Variants in IL1RAPL1 observed in about 807,000 individuals in gnomAD.
IL1RAPL1 encodes the protein interleukin 1 receptor accessory protein like 1, also known as interleukin-1 receptor accessory protein-like 1.
A neutral mutation model predicts 48.4 loss-of-function variants in IL1RAPL1; 3 were observed. That is an observed-to-expected ratio of 0.06 (90% CI 0.03 to 0.16). IL1RAPL1 has a LOEUF of 0.16. Among genes scored for constraint, IL1RAPL1 ranks in the 10% least tolerant of loss-of-function variants. The pLI is 1.00. For missense variants in IL1RAPL1, 349 were observed against 530.6 expected, an observed-to-expected ratio of 0.66 and a Z score of 3.36; for synonymous variants, 185 against 187.7, an observed-to-expected ratio of 0.99 and a Z score of 0.12.
rs753267627 is a variant in IL1RAPL1 at position 29,752,048 on chromosome X, TTA to T, written c.778+83556_778+83557del. On this transcript the variant is annotated intron_variant, in intron 6 of 10. Coordinates refer to ENST00000378993, the MANE Select transcript of IL1RAPL1 (RefSeq NM_014271.4). ...ATGTAACTACCTATATCTATCTATT[TTA>T]TATATATATATGTATATATATGTGT... Among the ~76,000 whole-genome samples, 203 of 97,422 alleles carry T rather than the reference TTA, an allele frequency of 2.1e-3. 1 individual carries two copies. Among genetic ancestry groups the T allele is most frequent in the Middle Eastern group, 5.1e-3 (1 of 197 alleles). The allele number at this position is 97,422 out of a possible 115,157, so 84.6% of individuals were successfully genotyped here.
intron 5 of IL1RAPL1, among the ~76,000 whole-genome samples, chrX:29,539,715 G>A (rs1225833020): frequency 2.7e-5 from 3 of 110,933 alleles, no homozygotes; most frequent in Non-Finnish European, 5.7e-5. Context: ...TCTGCCATGT[G>A]AAGTACCTTA....
chrX:29,821,559 T>G (rs1360584771), intron 6 of IL1RAPL1, among the ~76,000 whole-genome samples: 2 of 112,678 alleles, frequency 1.8e-5, no homozygotes, highest in Non-Finnish European at 3.8e-5. Context: ...TCAGGTCACT[T>G]ACAAGAAACC....
At chrX:29,406,422 G>A (rs766050511) in intron 5 of IL1RAPL1, among the ~76,000 whole-genome samples, 3 of 109,929 alleles carry the variant, frequency 2.7e-5, no homozygotes, top group East Asian at 2.8e-4. Flanking sequence ...ATTTCCTTTC[G>A]ATTCTTTTTA....
At position 29,876,904 on chromosome X, in the gene IL1RAPL1, T is replaced by C. The variant is rs916494189; in HGVS notation, c.779-40560T>C. ...TAAATAATTGCACGCCCATCTCTTT[T>C]GCAAAGCACAAAGCAACCTGCTCCA... On this transcript the variant is annotated intron_variant, in intron 6 of 10. Transcript: ENST00000378993. 5.4e-5 allele frequency among the ~76,000 whole-genome samples: 6 copies of C among 112,113 alleles called. 1 individual carries two copies. Among genetic ancestry groups the C allele is most frequent in the African/African-American group, 1.9e-4 (6 of 30,890 alleles).
intron 5 of IL1RAPL1, among the ~76,000 whole-genome samples, chrX:29,434,112 TTAAA>T (rs1213526094): frequency 9.1e-6 from 1 of 110,238 alleles, no homozygotes; most frequent in East Asian, 2.8e-4. Flanking sequence ...TTTTAAAAAA[TTAAA>T]TAATTTCCAG....
At chrX:29,528,883 C>G (rs1935582945) in intron 5 of IL1RAPL1, among the ~76,000 whole-genome samples, 1 of 111,129 alleles carries the variant, frequency 9.0e-6, no homozygotes, top group Non-Finnish European at 1.9e-5. Flanking sequence ...GATCTTGGAG[C>G]CCCTCTTTGA....
At chrX:29,159,141 T>A in intron 2 of IL1RAPL1, among the ~76,000 whole-genome samples, 1 of 109,713 alleles carries the variant, frequency 9.1e-6, no homozygotes, top group Admixed American at 9.9e-5. Flanking sequence ...TTCACAGATT[T>A]ATATAAATAA....
chrX:29,276,068 G>A (rs751767995), intron 2 of IL1RAPL1, among the ~76,000 whole-genome samples: 2 of 111,983 alleles, frequency 1.8e-5, no homozygotes, highest in Non-Finnish European at 3.8e-5. Flanking sequence ...TTGCTGGCTG[G>A]GTGTCCTGCC....
At chrX:29,552,210 GTGT>G (rs1921840570) in intron 5 of IL1RAPL1, among the ~76,000 whole-genome samples, 1 of 111,234 alleles carries the variant, frequency 9.0e-6, no homozygotes, top group South Asian at 3.8e-4. Context: ...TTACCCCACT[GTGT>G]TGTTGGGTCA....
intron 2 of IL1RAPL1, among the ~76,000 whole-genome samples, chrX:28,869,132 T>A (rs1181530736): frequency 8.9e-6 from 1 of 112,751 alleles, no homozygotes; most frequent in Non-Finnish European, 1.9e-5. Context: ...TCCTCGATCT[T>A]TGCTTTCTTA....
intron 5 of IL1RAPL1, among the ~76,000 whole-genome samples, chrX:29,453,736 A>G (rs1035152325): frequency 4.5e-5 from 5 of 112,022 alleles, no homozygotes; most frequent in Non-Finnish European, 7.5e-5. Context: ...AAGTGATTCT[A>G]TTGTGCAATT....
At chrX:28,714,758 T>G (rs1476782049) in intron 1 of IL1RAPL1, among the ~76,000 whole-genome samples, 4 of 112,076 alleles carry the variant, frequency 3.6e-5, no homozygotes, top group Non-Finnish European at 7.5e-5. Flanking sequence ...GAGTAAGGTG[T>G]GACAAGTTAT....
intron 3 of IL1RAPL1, among the ~76,000 whole-genome samples, chrX:29,291,142 G>C (rs761035174): frequency 3.6e-5 from 4 of 111,741 alleles, no homozygotes; most frequent in Non-Finnish European, 7.5e-5. Flanking sequence ...TTCCTGCTTA[G>C]TTCCCTGAAT....
At chrX:28,820,261 G>A (rs1936923775) in intron 2 of IL1RAPL1, among the ~76,000 whole-genome samples, 1 of 108,822 alleles carries the variant, frequency 9.2e-6, no homozygotes, top group Non-Finnish European at 1.9e-5. Flanking sequence ...TGATGTAACA[G>A]TGATATTTAT....
At chrX:28,968,690 A>G (rs960254935) in intron 2 of IL1RAPL1, among the ~76,000 whole-genome samples, 14 of 112,758 alleles carry the variant, frequency 1.2e-4, no homozygotes, top group African/African-American at 4.5e-4. Context: ...AATGCTCAAA[A>G]TTCAATTTTA....
Position 29,044,166 on chromosome X carries a change from T to C in IL1RAPL1, c.83-238772T>C, listed in dbSNP as rs764027061. On this transcript the variant is annotated intron_variant, in intron 2 of 10. Coordinates refer to ENST00000378993, the MANE Select transcript of IL1RAPL1 (RefSeq NM_014271.4). ...ATATTTATGGGCTGGGCGTGGTGGC[T>C]TATGCCTGTAATCCTAGCACTTTGG... 3.9e-3 allele frequency among the ~76,000 whole-genome samples: 434 copies of C among 111,664 alleles called. 4 individuals carry two copies. Among genetic ancestry groups the C allele is most frequent in the African/African-American group, 0.013 (412 of 30,714 alleles).
intron 6 of IL1RAPL1, among the ~76,000 whole-genome samples, chrX:29,802,806 T>C (rs1436053529): frequency 1.7e-5 from 1 of 57,752 alleles, no homozygotes; most frequent in Non-Finnish European, 2.8e-5. Context: ...TATATATATA[T>C]ATATGTGTGT....
chrX:29,418,116 TATATATA>T (rs1411982601), intron 5 of IL1RAPL1, among the ~76,000 whole-genome samples: 91 of 39,149 alleles, frequency 2.3e-3, no homozygotes, highest in Admixed American at 4.6e-3. Context: ...TATATATATA[TATATATA>T]TATTTTTTTT....
Position 29,411,661 on chromosome X carries a change from C to A in IL1RAPL1, c.703+12353C>A, listed in dbSNP as rs145963631. On this transcript the variant is annotated intron_variant, in intron 5 of 10. Transcript: ENST00000378993. Reference sequence around the variant, plus strand: ...CTGTATTACTTCTAGATTTTCAGACCACTAGCTAAACTTATTCTTACCTCA... The same window carrying A: ...CTGTATTACTTCTAGATTTTCAGACAACTAGCTAAACTTATTCTTACCTCA... Among the ~76,000 whole-genome samples, 804 of 109,970 alleles carry A rather than the reference C, an allele frequency of 7.3e-3. 11 individuals are homozygous for A. Among genetic ancestry groups the A allele is most frequent in the African/African-American group, 0.025 (766 of 30,181 alleles).
Sources: gnomAD v4.1 joint callset for allele counts (sites outside exome capture counted in the v4.1 genomes callset) on GRCh38, gnomAD v4.1.1 for gene constraint, MANE v1.5 for transcripts, NCBI Gene and HGNC (gene_info 2026-07-23, HGNC 2026-07-21) for gene names.